Variants in RSU1 observed in about 807,000 individuals in gnomAD.
The protein encoded by RSU1 is Ras suppressor protein 1.
A neutral mutation model predicts 31.1 loss-of-function variants in RSU1; 26 were observed. The observed-to-expected ratio is 0.84, with a 90% confidence interval of 0.61 to 1.16. RSU1 has a LOEUF of 1.16. Ranked by LOEUF, RSU1 falls within the 50% of genes most tolerant of loss-of-function variation. The pLI is 0.00. For missense variants in RSU1, 320 were observed against 339.1 expected, an observed-to-expected ratio of 0.94 and a Z score of 0.44; for synonymous variants, 164 against 136.3, an observed-to-expected ratio of 1.20 and a Z score of -1.41.
At chr10:16,773,221 A>G (rs1166154691) in intron 3 of RSU1, among the ~76,000 whole-genome samples, 2 of 151,504 alleles carry the variant, frequency 1.3e-5, no homozygotes, top group Non-Finnish European at 2.9e-5. Context: ...AAAAAAAAAG[A>G]AAAGGAATTA....
At chr10:16,668,694 TCTC>T (rs1484073585) in intron 8 of RSU1, among the ~76,000 whole-genome samples, 2 of 152,124 alleles carry the variant, frequency 1.3e-5, no homozygotes, top group African/African-American at 4.8e-5. Context: ...TCCTATTTTG[TCTC>T]CTTTCTACTC....
At chr10:16,705,475 T>G (rs1220444121) in intron 7 of RSU1, among the ~76,000 whole-genome samples, 1 of 151,920 alleles carries the variant, frequency 6.6e-6, no homozygotes, top group Non-Finnish European at 1.5e-5. Context: ...GCTATTTTTG[T>G]TTTTTTTCCC....
intron 8 of RSU1, among the ~76,000 whole-genome samples, chr10:16,677,722 G>A (rs1835259343): frequency 6.6e-6 from 1 of 152,156 alleles, no homozygotes; most frequent in Non-Finnish European, 1.5e-5. Flanking sequence ...ACTGTCTTCA[G>A]AAAACTTAAA....
At chr10:16,691,133 G>C (rs1447654821) in intron 8 of RSU1, among the ~76,000 whole-genome samples, 2 of 152,022 alleles carry the variant, frequency 1.3e-5, no homozygotes, top group East Asian at 3.9e-4. Flanking sequence ...TCCCCTGAAG[G>C]CTGCCACATG....
intron 7 of RSU1, among the ~76,000 whole-genome samples, chr10:16,739,215 G>T (rs1836700691): frequency 6.6e-6 from 1 of 151,816 alleles, no homozygotes; most frequent in African/African-American, 2.4e-5. Context: ...ATAATCCTTT[G>T]GGTATATACC....
At chr10:16,709,873 T>C (rs911412114) in intron 7 of RSU1, among the ~76,000 whole-genome samples, 2 of 152,248 alleles carry the variant, frequency 1.3e-5, no homozygotes, top group Non-Finnish European at 2.9e-5. Context: ...TTTGAGTTCA[T>C]TGTAGATTCT....
chr10:16,699,207 G>A (rs1835738821), intron 7 of RSU1, among the ~76,000 whole-genome samples: 1 of 152,222 alleles, frequency 6.6e-6, no homozygotes, highest in Non-Finnish European at 1.5e-5. Flanking sequence ...GGGACTTGCT[G>A]TAATAGGGCA....
At chr10:16,783,364 C>CA (rs772316056) in intron 2 of RSU1, among the ~76,000 whole-genome samples, 1 of 132,072 alleles carries the variant, frequency 7.6e-6, no homozygotes, top group Non-Finnish European at 1.6e-5. Context: ...ACAACTTTTG[C>CA]TTTTTTTTTT....
chr10:16,785,499 TAC>T (rs1554774682), intron 2 of RSU1, among the ~76,000 whole-genome samples: 1 of 123,076 alleles, frequency 8.1e-6, no homozygotes, highest in Non-Finnish European at 1.6e-5. Context: ...CATATATATA[TAC>T]ACATATATAC....
At chr10:16,649,721 C>T (rs945890879) in intron 8 of RSU1, among the ~76,000 whole-genome samples, 1 of 152,156 alleles carries the variant, frequency 6.6e-6, no homozygotes, top group African/African-American at 2.4e-5. Context: ...AAAATTCAAC[C>T]ATCTTCACAA....
intron 4 of RSU1, among the ~76,000 whole-genome samples, chr10:16,763,355 G>A (rs562727227): frequency 1.8e-4 from 27 of 152,242 alleles, no homozygotes; most frequent in Admixed American, 4.6e-4. Context: ...GTCTCAGGGA[G>A]CTTTTACTCA....
intron 3 of RSU1, among the ~76,000 whole-genome samples, chr10:16,767,917 A>G (rs1837346940): frequency 1.3e-5 from 2 of 152,238 alleles, no homozygotes; most frequent in Non-Finnish European, 2.9e-5. Context: ...TTGTGCTATG[A>G]CTAAATCCTA....
At chr10:16,721,154 G>C (rs995431928) in intron 7 of RSU1, among the ~76,000 whole-genome samples, 1 of 152,154 alleles carries the variant, frequency 6.6e-6, no homozygotes, top group African/African-American at 2.4e-5. Flanking sequence ...TATGGATACT[G>C]AAGAAAGAGC....
At chr10:16,733,663 G>A (rs979155687) in intron 7 of RSU1, among the ~76,000 whole-genome samples, 5 of 152,232 alleles carry the variant, frequency 3.3e-5, no homozygotes, top group South Asian at 2.1e-4. Flanking sequence ...GCTATAACAC[G>A]GACCCAAAAA....
chr10:16,691,918 G>T (rs1337979822), intron 8 of RSU1, among the ~76,000 whole-genome samples: 1 of 151,604 alleles, frequency 6.6e-6, no homozygotes, highest in Non-Finnish European at 1.5e-5. Context: ...TTTGTATTTT[G>T]AGTAGAAATG....
intron 2 of RSU1, among the ~76,000 whole-genome samples, chr10:16,811,374 AGAC>A (rs1838405269): frequency 6.6e-6 from 1 of 152,216 alleles, no homozygotes; most frequent in South Asian, 2.1e-4. Flanking sequence ...GCAAGTATTA[AGAC>A]CATCAGGTAC....
intron 7 of RSU1, chr10:16,748,153 G>C (rs1230743160): frequency 6.6e-6 from 1 of 152,188 alleles, no homozygotes; most frequent in Non-Finnish European, 1.5e-5. Flanking sequence ...TAAAATAATA[G>C]AAATCTAGTC....
At chr10:16,640,843 C>A (rs1399131675) in intron 8 of RSU1, among the ~76,000 whole-genome samples, 2 of 152,214 alleles carry the variant, frequency 1.3e-5, no homozygotes, top group East Asian at 3.9e-4. Flanking sequence ...ATGAAGCTCC[C>A]TGTCTTCAGG....
chr10:16,660,558 A>G (rs1834868607), intron 8 of RSU1, among the ~76,000 whole-genome samples: 1 of 139,406 alleles, frequency 7.2e-6, no homozygotes, highest in South Asian at 2.3e-4. Flanking sequence ...CCTATGTCTT[A>G]CTCTCTCTTT....
Sources: allele counts gnomAD v4.1 joint callset (sites outside exome capture counted in the v4.1 genomes callset), GRCh38; gene constraint gnomAD v4.1.1; transcripts MANE v1.5; gene names NCBI Gene and HGNC (gene_info 2026-07-23, HGNC 2026-07-21).